The following PRKG1 variants were observed in gnomAD, a reference collection of about 807,000 sequenced individuals.
The protein encoded by PRKG1 is protein kinase cGMP-dependent 1.
Under a neutral mutation model 88.1 loss-of-function variants are expected in PRKG1, and 35 were observed. The ratio of observed to expected loss-of-function variants is 0.40; its 90% CI spans 0.30 to 0.53. The LOEUF (loss-of-function observed/expected upper bound fraction) is 0.53. PRKG1 is among the 20% of genes least tolerant of loss of function. The pLI is 0.59. For synonymous variants in PRKG1, 303 were observed against 292.5 expected (o/e 1.04, Z -0.37); for missense variants, 540 against 839.8 (o/e 0.64, Z 4.41).
intron 5 of PRKG1, among the ~76,000 whole-genome samples, chr10:51,965,329 G>GCAGTATTGGT (rs1302613847): frequency 1.5e-4 from 23 of 152,110 alleles, no homozygotes; most frequent in Non-Finnish European, 3.4e-4. Context: ...GTGAAAACAT[G>GCAGTATTGGT]CAGTATTGGT....
At chr10:51,696,135 A>C (rs2132402077) in intron 3 of PRKG1, 1 of 152,340 alleles carries the variant, frequency 6.6e-6, no homozygotes. Flanking sequence ...GCAGTAAGTC[A>C]AGTGAGTATT....
chr10:51,552,906 A>C (rs1214505210), intron 3 of PRKG1, among the ~76,000 whole-genome samples: 3 of 151,588 alleles, frequency 2.0e-5, no homozygotes, highest in Non-Finnish European at 4.4e-5. Flanking sequence ...AATACAGTTT[A>C]ACTCCATCTA....
chr10:51,848,071 A>G (rs1840450298), intron 4 of PRKG1, among the ~76,000 whole-genome samples: 1 of 152,122 alleles, frequency 6.6e-6, no homozygotes, highest in Non-Finnish European at 1.5e-5. Context: ...CGGGGACCAA[A>G]TGCTAGGAAA....
chr10:51,946,037 A>G lies in PRKG1; in HGVS notation c.762+38467A>G, dbSNP rs1462124550. Among the ~76,000 whole-genome samples the G allele has an allele frequency of 8.6e-5, 13 of 151,970 alleles. No homozygotes were observed. The East Asian group carries it at 2.1e-3, about 25-fold the overall frequency. On this transcript the variant is annotated intron_variant, in intron 5 of 17. Transcript: ENST00000373980. Reference sequence around the variant, plus strand: ...GATTGGGGAAGTTCTCCTGGATAATATCCTGCAGAGTGTTTTCCAACTTGG... The same window carrying G: ...GATTGGGGAAGTTCTCCTGGATAATGTCCTGCAGAGTGTTTTCCAACTTGG...
chr10:51,672,413 T>C (rs189175821), intron 3 of PRKG1, among the ~76,000 whole-genome samples: 1 of 152,248 alleles, frequency 6.6e-6, no homozygotes, highest in East Asian at 1.9e-4. Context: ...TTTGTGATTA[T>C]ACTTTTTATT....
At chr10:52,029,178 G>A (rs1845417806) in intron 5 of PRKG1, among the ~76,000 whole-genome samples, 2 of 152,180 alleles carry the variant, frequency 1.3e-5, no homozygotes, top group South Asian at 4.1e-4. Context: ...AAATCAGAAA[G>A]CTTAGTGCAT....
intron 9 of PRKG1, among the ~76,000 whole-genome samples, chr10:52,229,360 G>A (rs1460914116): frequency 3.3e-5 from 5 of 152,190 alleles, no homozygotes; most frequent in South Asian, 4.1e-4. Flanking sequence ...GCTTTCACCT[G>A]CATATTACTG....
chr10:51,203,429 A>T (rs1837963801), intron 2 of PRKG1, among the ~76,000 whole-genome samples: 1 of 152,098 alleles, frequency 6.6e-6, no homozygotes, highest in African/African-American at 2.4e-5. Context: ...ATGCTGTGTT[A>T]TGAGGACCAT....
chr10:51,217,425 T>C (rs1838400881), intron 2 of PRKG1, among the ~76,000 whole-genome samples: 1 of 152,102 alleles, frequency 6.6e-6, no homozygotes, highest in Non-Finnish European at 1.5e-5. Context: ...TCTATCACCA[T>C]CTCTCTTTTA....
chr10:51,152,353 T>G (rs930547004), intron 1 of PRKG1, among the ~76,000 whole-genome samples: 2 of 152,072 alleles, frequency 1.3e-5, no homozygotes, highest in African/African-American at 4.8e-5. Flanking sequence ...GTTACCTCAG[T>G]CTAAGCTGCT....
chr10:51,374,180 G>A (rs1156447499), intron 2 of PRKG1, among the ~76,000 whole-genome samples: 1 of 150,034 alleles, frequency 6.7e-6, no homozygotes, highest in Non-Finnish European at 1.5e-5. Flanking sequence ...CACATGCCAT[G>A]CACCCATCAA....
At chr10:51,812,883 G>A (rs1253207735) in intron 4 of PRKG1, among the ~76,000 whole-genome samples, 2 of 152,082 alleles carry the variant, frequency 1.3e-5, no homozygotes, top group Non-Finnish European at 2.9e-5. Flanking sequence ...GTAGTTGTAA[G>A]AGGATCAGCT....
At chr10:51,095,690 C>A (rs1844511252) in intron 1 of PRKG1, among the ~76,000 whole-genome samples, 1 of 152,146 alleles carries the variant, frequency 6.6e-6, no homozygotes, top group Non-Finnish European at 1.5e-5. Flanking sequence ...ATACTCAGTA[C>A]TGGGGAACTG....
chr10:51,957,985 C>A (rs558744363), intron 5 of PRKG1, among the ~76,000 whole-genome samples: 1 of 151,928 alleles, frequency 6.6e-6, no homozygotes, highest in African/African-American at 2.4e-5. Flanking sequence ...ATGTAAAGGG[C>A]AAAATTCTCA....
chr10:50,993,874 G>A (rs1589095109), intron 1 of PRKG1, among the ~76,000 whole-genome samples: 1 of 152,292 alleles, frequency 6.6e-6, no homozygotes, highest in South Asian at 2.1e-4. Context: ...CTAATCTTGG[G>A]TATGCACACA....
At chr10:52,155,923 A>G (rs1240959517) in intron 8 of PRKG1, among the ~76,000 whole-genome samples, 1 of 152,018 alleles carries the variant, frequency 6.6e-6, no homozygotes, top group Non-Finnish European at 1.5e-5. Context: ...GACAGTAAGT[A>G]AAAGGAGATA....
At chr10:52,015,572 T>G (rs2133179964) in intron 5 of PRKG1, among the ~76,000 whole-genome samples, 1 of 152,356 alleles carries the variant, frequency 6.6e-6, no homozygotes, top group South Asian at 2.1e-4. Context: ...TCCTCATTAC[T>G]TATGTAAATT....
At chr10:52,275,656 C>T (rs1841855358) in intron 12 of PRKG1, among the ~76,000 whole-genome samples, 1 of 152,036 alleles carries the variant, frequency 6.6e-6, no homozygotes, top group Non-Finnish European at 1.5e-5. Flanking sequence ...CTTGCTTTGG[C>T]TATGTGGGCT....
chr10:51,386,981 A>G (rs1213725007), intron 2 of PRKG1, among the ~76,000 whole-genome samples: 1 of 152,344 alleles, frequency 6.6e-6, no homozygotes, highest in East Asian at 1.9e-4. Flanking sequence ...CATAAAGAGG[A>G]GTGTCCTCAC....
Sources: gnomAD v4.1 joint callset for allele counts (sites outside exome capture counted in the v4.1 genomes callset) on GRCh38, gnomAD v4.1.1 for gene constraint, MANE v1.5 for transcripts, NCBI Gene and HGNC (gene_info 2026-07-23, HGNC 2026-07-21) for gene names.